DIAPH2: variants seen among roughly 807,000 people sequenced by gnomAD.
DIAPH2 encodes the protein protein diaphanous homolog 2.
Under a neutral mutation model 92.7 loss-of-function variants are expected in DIAPH2, and 35 were observed. The observed-to-expected ratio is 0.38, with a 90% confidence interval of 0.29 to 0.50. The LOEUF (loss-of-function observed/expected upper bound fraction) is 0.50. Ranked by LOEUF, DIAPH2 falls within the 20% of genes least tolerant of loss-of-function variation. DIAPH2 has a pLI of 0.94. For synonymous variants in DIAPH2, 301 were observed against 280.4 expected, an observed-to-expected ratio of 1.07 and a Z score of -0.73; for missense variants, 701 against 819.5, an observed-to-expected ratio of 0.86 and a Z score of 1.77.
chrX:97,522,725 T>A (rs2070999598), intron 26 of DIAPH2, among the ~76,000 whole-genome samples: 1 of 112,679 alleles, frequency 8.9e-6, no homozygotes, highest in South Asian at 3.6e-4. Flanking sequence ...TAATATTTTG[T>A]TTGTTCTTAT....
At chrX:97,120,373 T>A (rs749526596) in intron 21 of DIAPH2, among the ~76,000 whole-genome samples, 10 of 110,894 alleles carry the variant, frequency 9.0e-5, no homozygotes, top group Non-Finnish European at 1.9e-4. Flanking sequence ...CTTCGCAATT[T>A]GGGCACTCAC....
At chrX:97,055,863 A>G (rs1193523820) in intron 17 of DIAPH2, among the ~76,000 whole-genome samples, 1 of 111,689 alleles carries the variant, frequency 9.0e-6, no homozygotes, top group Non-Finnish European at 1.9e-5. Flanking sequence ...GTAGCTTCCT[A>G]TATCGATGTA....
chrX:97,571,275 G>C (rs1050670397), intron 26 of DIAPH2, among the ~76,000 whole-genome samples: 2 of 111,419 alleles, frequency 1.8e-5, no homozygotes, highest in African/African-American at 6.5e-5. Context: ...GCAAACAGCT[G>C]AATTGCACAC....
chrX:97,177,470 C>G (rs746201589), intron 22 of DIAPH2, among the ~76,000 whole-genome samples: 7 of 110,896 alleles, frequency 6.3e-5, no homozygotes, highest in Non-Finnish European at 9.4e-5. Context: ...ACTGACTTAC[C>G]TGACTTCTGA....
At chrX:96,887,315 G>C (rs2065270240) in intron 5 of DIAPH2, among the ~76,000 whole-genome samples, 2 of 111,417 alleles carry the variant, frequency 1.8e-5, no homozygotes, top group South Asian at 7.6e-4. Context: ...TTTCAATTTT[G>C]TTTAGACTGG....
intron 1 of DIAPH2, among the ~76,000 whole-genome samples, chrX:96,701,271 G>A (rs2063853572): frequency 9.0e-6 from 1 of 111,259 alleles, no homozygotes; most frequent in African/African-American, 3.3e-5. Context: ...ATCATGCTGA[G>A]GGTATAAACA....
chrX:97,473,242 A>G (rs2070577057), intron 26 of DIAPH2, among the ~76,000 whole-genome samples: 1 of 112,379 alleles, frequency 8.9e-6, no homozygotes, highest in African/African-American at 3.2e-5. Flanking sequence ...ATAGTGACTT[A>G]AGTGTGGAAG....
chrX:97,215,002 A>G (rs1040172029), intron 22 of DIAPH2, among the ~76,000 whole-genome samples: 1 of 111,120 alleles, frequency 9.0e-6, no homozygotes, highest in African/African-American at 3.3e-5. Flanking sequence ...TAATTTCAGT[A>G]ATGAAAATGA....
intron 22 of DIAPH2, among the ~76,000 whole-genome samples, chrX:97,172,266 G>A (rs1284571981): frequency 8.9e-6 from 1 of 112,107 alleles, no homozygotes; most frequent in Non-Finnish European, 1.9e-5. Flanking sequence ...CTTGAACCCT[G>A]TAGTTTTCCA....
intron 4 of DIAPH2, among the ~76,000 whole-genome samples, chrX:96,853,145 A>T (rs991728604): frequency 2.7e-5 from 3 of 111,609 alleles, no homozygotes; most frequent in Non-Finnish European, 5.7e-5. Flanking sequence ...CACTTTGTTT[A>T]AATAATTTCA....
chrX:97,155,561 G>A (rs1031090153), intron 22 of DIAPH2, among the ~76,000 whole-genome samples: 3 of 111,063 alleles, frequency 2.7e-5, no homozygotes, highest in African/African-American at 9.8e-5. Context: ...TAGAGGACCT[G>A]GAAGTATGCA....
intron 4 of DIAPH2, among the ~76,000 whole-genome samples, chrX:96,855,083 T>A (rs184075038): frequency 4.4e-4 from 49 of 111,359 alleles, no homozygotes; most frequent in African/African-American, 1.5e-3. Context: ...AATTTCTTAT[T>A]TTTTTATTTT....
At chrX:97,156,219 A>G (rs1198181180) in intron 22 of DIAPH2, among the ~76,000 whole-genome samples, 1 of 112,252 alleles carries the variant, frequency 8.9e-6, no homozygotes, top group Non-Finnish European at 1.9e-5. Flanking sequence ...CTCCATCGGC[A>G]TGTAGATAAC....
intron 22 of DIAPH2, among the ~76,000 whole-genome samples, chrX:97,179,375 C>T (rs894139586): frequency 9.1e-6 from 1 of 109,339 alleles, no homozygotes; most frequent in Non-Finnish European, 1.9e-5. Flanking sequence ...CCTCACCTCC[C>T]CAACAAGCCC....
Position 96,957,841 on chromosome X carries a change from C to T in DIAPH2, c.1628C>T (p.Ser543Leu). Reference protein sequence around the residue: ...QQLRTQAQVLSSSSGIPGPPA... With the variant: ...QQLRTQAQVLLSSSGIPGPPA... The stretch of plus-strand genomic sequence containing the variant: ...TTTATATTTCAGGCACAAGTACTCT[C>T]AAGTTCATCAGGAATTCCAGGTCCT... Residue 543 changes from serine (S) to leucine (L), a missense_variant, in exon 16 of 27, where the codon TCA becomes TTA. Around this residue, in one of 3 missense-constraint regions of DIAPH2, gnomAD observed 536 missense variants for 599.3 expected, o/e 0.89. Coordinates refer to ENST00000324765, the MANE Select transcript of DIAPH2 (RefSeq NM_006729.5). 8.3e-7 allele frequency: 1 copy of T among 1,205,811 alleles called. No homozygotes were observed. Among genetic ancestry groups the T allele is most frequent in the East Asian group, 3.0e-5 (1 of 33,792 alleles).
chrX:97,160,954 T>G (rs1051491566), intron 22 of DIAPH2, among the ~76,000 whole-genome samples: 16 of 111,159 alleles, frequency 1.4e-4, no homozygotes, highest in Non-Finnish European at 2.6e-4. Context: ...GAATGATCAT[T>G]TCCTTTGAAT....
intron 22 of DIAPH2, among the ~76,000 whole-genome samples, chrX:97,238,321 C>G (rs1448301768): frequency 8.9e-6 from 1 of 112,022 alleles, no homozygotes; most frequent in African/African-American, 3.2e-5. Flanking sequence ...TTGAAGTGTA[C>G]TTAGCGAAGT....
At chrX:97,538,778 CAAAT>C (rs2071116725) in intron 26 of DIAPH2, among the ~76,000 whole-genome samples, 1 of 111,823 alleles carries the variant, frequency 8.9e-6, no homozygotes, top group African/African-American at 3.2e-5. Context: ...AACTCCCTCT[CAAAT>C]AAAGTCAAAA....
chrX:97,590,213 G>A (rs2071508044), intron 26 of DIAPH2, among the ~76,000 whole-genome samples: 1 of 111,565 alleles, frequency 9.0e-6, no homozygotes, highest in Non-Finnish European at 1.9e-5. Context: ...GTGAATGAAC[G>A]ACTGCCATTT....
Sources: allele counts gnomAD v4.1 joint callset (sites outside exome capture counted in the v4.1 genomes callset), GRCh38; gene constraint gnomAD v4.1.1; regional missense constraint gnomAD v4.1.1; transcripts MANE v1.5; gene names NCBI Gene and HGNC (gene_info 2026-07-23, HGNC 2026-07-21).